The following GABRA3 variants were observed in gnomAD, a reference collection of about 807,000 sequenced individuals.
GABRA3 encodes gamma-aminobutyric acid receptor subunit alpha-3.
Under a neutral mutation model 30.1 loss-of-function variants are expected in GABRA3, and 10 were observed. The ratio of observed to expected loss-of-function variants is 0.33; its 90% CI spans 0.20 to 0.56. The LOEUF is 0.56. GABRA3 is among the 20% of genes least tolerant of loss of function. The pLI is 0.89. For synonymous variants in GABRA3, 151 were observed against 146.8 expected, an observed-to-expected ratio of 1.03 and a Z score of -0.21; for missense variants, 233 against 392.0, an observed-to-expected ratio of 0.59 and a Z score of 3.42.
chrX:152,231,532 G>A (rs892213152), intron 5 of GABRA3, among the ~76,000 whole-genome samples: 3 of 110,634 alleles, frequency 2.7e-5, no homozygotes, highest in Non-Finnish European at 5.7e-5. Context: ...CAAGGATTTG[G>A]GAAAAACATA....
At chrX:152,358,784 T>G (rs535990912) in intron 2 of GABRA3, among the ~76,000 whole-genome samples, 1 of 111,844 alleles carries the variant, frequency 8.9e-6, no homozygotes, top group South Asian at 3.7e-4. Flanking sequence ...ATGTTGATTT[T>G]TATCAAAAGG....
At chrX:152,432,934 C>T (rs1429980708) in intron 1 of GABRA3, among the ~76,000 whole-genome samples, 1 of 110,294 alleles carries the variant, frequency 9.1e-6, no homozygotes, top group East Asian at 2.8e-4. Context: ...ATTGAATAAC[C>T]TATCAGTGCA....
chrX:152,391,093 T>G (rs1348294622), intron 1 of GABRA3, among the ~76,000 whole-genome samples: 1 of 111,749 alleles, frequency 8.9e-6, no homozygotes, highest in Non-Finnish European at 1.9e-5. Flanking sequence ...TCAGAACATT[T>G]GACCACAGGC....
At chrX:152,259,940 G>T (rs758551330) in intron 4 of GABRA3, among the ~76,000 whole-genome samples, 3 of 110,374 alleles carry the variant, frequency 2.7e-5, no homozygotes, top group Admixed American at 9.7e-5. Context: ...GGCTCTTGGG[G>T]ACCCTGATTT....
At chrX:152,233,230 T>C (rs1243426297) in intron 5 of GABRA3, among the ~76,000 whole-genome samples, 1 of 110,078 alleles carries the variant, frequency 9.1e-6, no homozygotes, top group Non-Finnish European at 1.9e-5. Context: ...ATGAGTAGGT[T>C]GCGAAAATTT....
chrX:152,414,305 A>T (rs1930150693), intron 1 of GABRA3, among the ~76,000 whole-genome samples: 1 of 111,415 alleles, frequency 9.0e-6, no homozygotes, highest in Non-Finnish European at 1.9e-5. Context: ...AAAGGTACCA[A>T]TTACTGGTAT....
intron 1 of GABRA3, chrX:152,393,562 T>C (rs745631030): frequency 6.2e-6 from 2 of 320,720 alleles, no homozygotes; most frequent in South Asian, 6.2e-5. Context: ...AATAACACAA[T>C]GAGGAATATG....
intron 4 of GABRA3, among the ~76,000 whole-genome samples, chrX:152,262,876 C>G (rs1463862170): frequency 1.8e-5 from 2 of 112,025 alleles, no homozygotes; most frequent in Non-Finnish European, 3.8e-5. Context: ...TTAGTCCATT[C>G]TCACACTGCT....
At chrX:152,368,806 C>T (rs1928738729) in intron 1 of GABRA3, among the ~76,000 whole-genome samples, 1 of 104,247 alleles carries the variant, frequency 9.6e-6, no homozygotes, top group Non-Finnish European at 2.0e-5. Context: ...CCTGGGTTCA[C>T]ACCATTCTCC....
intron 4 of GABRA3, 98 bp from the exon 5 acceptor site, chrX:152,256,096 G>GCATCAGAGGAA: frequency 1.7e-6 from 1 of 592,467 alleles, no homozygotes; most frequent in South Asian, 2.6e-5. Flanking sequence ...TATTTCCTCT[G>GCATCAGAGGAA]ATGCAGAGAA....
chrX:152,243,188 A>G (rs1397304811), intron 5 of GABRA3, among the ~76,000 whole-genome samples: 4 of 112,010 alleles, frequency 3.6e-5, no homozygotes, highest in African/African-American at 1.3e-4. Context: ...AATGGTGGCC[A>G]GGAAGTGGGA....
At chrX:152,297,227 T>C (rs1939545940) in intron 3 of GABRA3, among the ~76,000 whole-genome samples, 2 of 111,756 alleles carry the variant, frequency 1.8e-5, no homozygotes, top group African/African-American at 6.5e-5. Context: ...TGTTTCATTC[T>C]TAATGAAGTC....
intron 1 of GABRA3, among the ~76,000 whole-genome samples, chrX:152,397,975 G>A (rs1929704612): frequency 9.0e-6 from 1 of 111,716 alleles, no homozygotes; most frequent in Non-Finnish European, 1.9e-5. Context: ...ACCCTCTAAG[G>A]CTACCCTGAC....
intron 3 of GABRA3, among the ~76,000 whole-genome samples, chrX:152,288,323 G>C (rs900934993): frequency 1.8e-5 from 2 of 112,117 alleles, no homozygotes; most frequent in African/African-American, 6.5e-5. Context: ...ATATGATACA[G>C]TAGTTAAAAG....
chrX:152,188,373 G>A (rs1187694117), intron 9 of GABRA3, among the ~76,000 whole-genome samples: 2 of 111,409 alleles, frequency 1.8e-5, no homozygotes, highest in Non-Finnish European at 3.8e-5. Context: ...GAGGATGTAA[G>A]TGTTATAAAA....
chrX:152,441,290 T>A (rs1017195608), intron 1 of GABRA3, among the ~76,000 whole-genome samples: 9 of 111,342 alleles, frequency 8.1e-5, no homozygotes, highest in African/African-American at 2.6e-4. Context: ...CTAAATCTAA[T>A]ATGTAAGAGT....
At chrX:152,437,014 T>G (rs867118555) in intron 1 of GABRA3, among the ~76,000 whole-genome samples, 1 of 111,316 alleles carries the variant, frequency 9.0e-6, no homozygotes, top group Non-Finnish European at 1.9e-5. Context: ...TATCCCAATT[T>G]TAAAATGGGC....
At chrX:152,358,321 TG>T (rs1399868956) in intron 2 of GABRA3, among the ~76,000 whole-genome samples, 1 of 111,589 alleles carries the variant, frequency 9.0e-6, no homozygotes, top group Non-Finnish European at 1.9e-5. Context: ...CTATCGTGAA[TG>T]GGATTGCGTT....
At chrX:152,280,728 A>T (rs1603232584) in intron 4 of GABRA3, among the ~76,000 whole-genome samples, 1 of 110,804 alleles carries the variant, frequency 9.0e-6, no homozygotes, top group African/African-American at 3.3e-5. Flanking sequence ...CCATTACCTG[A>T]TTGTCCACTG....
Sources: allele counts gnomAD v4.1 joint callset (sites outside exome capture counted in the v4.1 genomes callset), GRCh38; gene constraint gnomAD v4.1.1; transcripts MANE v1.5; gene names NCBI Gene and HGNC (gene_info 2026-07-23, HGNC 2026-07-21).